Variants in LACTB observed in about 807,000 individuals in gnomAD.
LACTB encodes lactamase beta.
LACTB carries 35 observed loss-of-function variants against 50.2 expected under a neutral mutation model. The ratio of observed to expected loss-of-function variants is 0.70; its 90% CI spans 0.53 to 0.92. LACTB has a LOEUF of 0.92. Among genes scored for constraint, LACTB ranks in the 40% least tolerant of loss-of-function variants. The probability of loss-of-function intolerance (pLI) is 0.00; values close to 1 mark genes in which losing one functional copy is unlikely to be tolerated. For missense variants in LACTB, 664 were observed against 691.8 expected (o/e 0.96, Z 0.45); for synonymous variants, 252 against 268.2 (o/e 0.94, Z 0.59).
At position 63,122,247 on chromosome 15, in the gene LACTB, G is replaced by C. The variant is rs777255069; in HGVS notation, c.357+19G>C. 6.6e-7 allele frequency: 1 copy of C among 1,520,344 alleles called. No homozygotes were observed. Among genetic ancestry groups the C allele is most frequent in the Non-Finnish European group, 8.8e-7 (1 of 1,142,844 alleles). 94.2% of individuals were successfully genotyped at this position (1,520,344 alleles called of 1,614,324 possible). A position where few individuals can be genotyped will look rare whatever the true frequency, so the allele number is the denominator to read the frequency against. On this transcript the variant is annotated intron_variant, in intron 1 of 5. Coordinates refer to ENST00000261893, the MANE Select transcript of LACTB (RefSeq NM_032857.5). Reference sequence around the variant, plus strand: ...GATCAAGGTGCGGCCACTGGAGCGGGGGGCGTAGGGGGCCGGGGATCCACC... The same window carrying C: ...GATCAAGGTGCGGCCACTGGAGCGGCGGGCGTAGGGGGCCGGGGATCCACC...
In LACTB at chr15:63,141,567, G is replaced by A. The variant is rs2729835; in HGVS notation, c.1406G>A (p.Arg469Lys). The change falls in exon 6 of 6, where the codon AGG (arginine) becomes AAG (lysine). Residue 469 changes from arginine to lysine, a missense_variant. By Grantham distance (26) the Arg-to-Lys change is conservative. Coordinates refer to ENST00000261893, the MANE Select transcript of LACTB (RefSeq NM_032857.5). The stretch of plus-strand genomic sequence containing the variant: ...GCAATGGCGTGGGGTGTTGTGGAAA[G>A]GAAACAAACGTATGGTTCGTGTAGA... Reference protein sequence around the residue: ...KYAMAWGVVERKQTYGSCRKQ... With the variant: ...KYAMAWGVVEKKQTYGSCRKQ... 1,100,060 of 1,613,964 alleles carry A rather than the reference G, an allele frequency of 0.68. 378,802 individuals are homozygous for A. Among genetic ancestry groups the A allele is most frequent in the East Asian group, 0.99 (44,632 of 44,890 alleles).
intron 5 of LACTB, among the ~76,000 whole-genome samples, chr15:63,137,862 A>T (rs982493318): frequency 3.9e-5 from 6 of 152,166 alleles, no homozygotes; most frequent in African/African-American, 7.2e-5. Flanking sequence ...GCTCTTTTTC[A>T]TGCCTTTAGC....
intron 2 of LACTB, among the ~76,000 whole-genome samples, chr15:63,123,746 G>A (rs1012178049): frequency 2.6e-5 from 4 of 151,606 alleles, no homozygotes; most frequent in Admixed American, 6.6e-5. Context: ...GGAGACAGAG[G>A]GAAAGACAGC....
chr15:63,129,634 AT>A lies in LACTB; in HGVS notation c.1105del (p.Tyr369ThrfsTer40). On this transcript the variant is annotated frameshift_variant, in exon 5 of 6. Coordinates refer to ENST00000261893, the MANE Select transcript of LACTB (RefSeq NM_032857.5). LOFTEE classifies it high-confidence loss of function. ...TTVQEENEPV[I>X]YNRARFYVYN... ...TGTGCAGGAAGAAAACGAGCCAGTG[AT>A]TTACAATAGAGCAAGGTAAATGAAT... The A allele has an allele frequency of 6.2e-7, 1 of 1,606,590 alleles. No individual in the cohort carries two copies. Among genetic ancestry groups the A allele is most frequent in the Non-Finnish European group, 8.5e-7 (1 of 1,176,794 alleles).
intron 5 of LACTB, chr15:63,130,172 C>T (rs1290746877): frequency 6.6e-6 from 1 of 152,240 alleles, no homozygotes; most frequent in African/African-American, 2.4e-5. Context: ...CGTGATACCC[C>T]TTTACCTATA....
intron 1 of LACTB, 92 bp downstream of exon 1, chr15:63,122,320 CG>C (rs1156885631): frequency 2.7e-6 from 3 of 1,105,106 alleles, no homozygotes; most frequent in African/African-American, 1.6e-5. Context: ...CCCGGGGCGG[CG>C]GGGTGCCCGC....
At chr15:63,125,969 G>A (rs1037889302) in intron 2 of LACTB, 20 of 151,674 alleles carry the variant, frequency 1.3e-4, no homozygotes, top group Admixed American at 1.2e-3. Context: ...CTCCCAAAGT[G>A]CTGGGATTGC....
intron 2 of LACTB, among the ~76,000 whole-genome samples, chr15:63,124,055 G>T (rs906831888): frequency 6.6e-6 from 1 of 152,112 alleles, no homozygotes; most frequent in Non-Finnish European, 1.5e-5. Flanking sequence ...GACGCTCTTC[G>T]CTACCGCTAG....
Position 63,122,209 on chromosome 15 carries a change from ACCT to A in LACTB, c.339_341del (p.Asp113_Leu114delinsGlu). ...GCCAGAGCCATCGAGAGCAGCCGCG[ACCT>A]GCTGCACAGGATCAAGGTGCGGCCA... On this transcript the variant is annotated inframe_deletion, in exon 1 of 6. Transcript: ENST00000261893. The A allele has an allele frequency of 1.9e-6, 3 of 1,552,782 alleles. No homozygotes were observed. Among genetic ancestry groups the A allele is most frequent in the South Asian group, 2.3e-5 (2 of 85,772 alleles).
rs1441269797 is a variant in LACTB, at chr15:63,141,582, G to C, written c.1421G>C (p.Gly474Ala). Residue 474 changes from glycine (G) to alanine (A), a missense_variant, in exon 6 of 6, where the codon GGT (glycine) becomes GCT (alanine). Transcript: ENST00000261893. ...GTTGTGGAAAGGAAACAAACGTATG[G>C]TTCGTGTAGAAAGCAACGGCATTAT... ...WGVVERKQTY[G>A]SCRKQRHYAS... is the part of the protein sequence containing the mutation. 1 of 1,614,096 alleles carries C rather than the reference G, an allele frequency of 6.2e-7. No individual in the cohort carries two copies. The highest frequency in any genetic ancestry group is 8.5e-7 in the Non-Finnish European group (1 of 1,180,044).
intron 5 of LACTB, among the ~76,000 whole-genome samples, chr15:63,136,319 G>T (rs2037176971): frequency 6.6e-6 from 1 of 152,154 alleles, no homozygotes; most frequent in Admixed American, 6.5e-5. Context: ...TTACAGGCGT[G>T]AGCCTAGCTC....
intron 5 of LACTB, among the ~76,000 whole-genome samples, chr15:63,136,360 A>G (rs1183260710): frequency 6.6e-6 from 1 of 151,944 alleles, no homozygotes; most frequent in East Asian, 1.9e-4. Context: ...AAAAAAGGCG[A>G]TGGGTTTCTA....
At chr15:63,122,936 G>A (rs187022600) in intron 2 of LACTB, among the ~76,000 whole-genome samples, 10 of 152,268 alleles carry the variant, frequency 6.6e-5, no homozygotes, top group African/African-American at 2.4e-4. Context: ...TTTCTCTTAG[G>A]ACTGGATTTA....
chr15:63,123,969 CAG>C (rs1166822040), intron 2 of LACTB, among the ~76,000 whole-genome samples: 1 of 152,166 alleles, frequency 6.6e-6, no homozygotes, highest in Admixed American at 6.5e-5. Context: ...GGTGGAGGAG[CAG>C]AGTCTTCTCT....
Position 63,126,888 on chromosome 15 carries a change from G to A in LACTB, c.454G>A (p.Val152Ile), listed in dbSNP as rs528872860. The A allele has an allele frequency of 6.2e-7, 1 of 1,609,742 alleles. No individual in the cohort carries two copies. The highest frequency in any genetic ancestry group is 8.5e-7 in the Non-Finnish European group (1 of 1,177,374). Residue 152 changes from valine to isoleucine, a missense_variant, in exon 3 of 6, where the codon GTA becomes ATA. Coordinates refer to ENST00000261893, the MANE Select transcript of LACTB (RefSeq NM_032857.5). ...GLGYADVENR[V>I]PCKPETVMRI... ...AGGTTATGCTGATGTTGAGAACCGTGTACCATGTAAACCAGAGACAGTTAT... is the reference window on the plus strand; with the variant it reads ...AGGTTATGCTGATGTTGAGAACCGTATACCATGTAAACCAGAGACAGTTAT...
chr15:63,122,469 A>C (rs1177480728), intron 1 of LACTB, 167 bp from the exon 2 acceptor site: 2 of 728,660 alleles, frequency 2.7e-6, no homozygotes, highest in Non-Finnish European at 4.8e-6. Flanking sequence ...GGACAGGCAC[A>C]TCCCTTGCTG....
chr15:63,126,798 T>G (rs1333190383), intron 2 of LACTB, 61 bp from the exon 3 acceptor site: 1 of 1,044,112 alleles, frequency 9.6e-7, no homozygotes, highest in African/African-American at 1.6e-5. Context: ...ATTTCAGGGT[T>G]TGAAAACTTG....
At chr15:63,138,536 A>C (rs1299783726) in intron 5 of LACTB, among the ~76,000 whole-genome samples, 2 of 152,208 alleles carry the variant, frequency 1.3e-5, no homozygotes, top group South Asian at 4.1e-4. Flanking sequence ...GGTAAAGTTT[A>C]TCTTTCAGCT....
At chr15:63,138,837 T>A (rs1242532402) in intron 5 of LACTB, among the ~76,000 whole-genome samples, 3 of 151,918 alleles carry the variant, frequency 2.0e-5, no homozygotes, top group Non-Finnish European at 4.4e-5. Context: ...GTCAGGAGTT[T>A]CTGACCAGCC....
Sources: allele counts gnomAD v4.1 joint callset (sites outside exome capture counted in the v4.1 genomes callset), GRCh38; gene constraint gnomAD v4.1.1; transcripts MANE v1.5; gene names NCBI Gene and HGNC (gene_info 2026-07-23, HGNC 2026-07-21).